RBM8A: variants seen among roughly 807,000 people sequenced by gnomAD.
RBM8A encodes RNA-binding protein 8A.
In RBM8A, 8 loss-of-function variants were observed where a neutral mutation model predicts 25.1. The observed-to-expected ratio is 0.32, with a 90% CI of 0.19 to 0.58. The LOEUF (loss-of-function observed/expected upper bound fraction) is 0.58, where lower values mean the gene tolerates loss of function less well. Ranked by LOEUF, RBM8A falls within the 20% of genes least tolerant of loss-of-function variation. RBM8A has a pLI of 0.88. For synonymous variants in RBM8A, 66 were observed against 80.0 expected (o/e 0.82, Z 0.94); for missense variants, 114 against 236.8 (o/e 0.48, Z 3.40).
In RBM8A at chr1:145,923,161, C is replaced by G. The variant is rs959616447; in HGVS notation, c.*2721G>C. 6.6e-6 allele frequency: 1 copy of G among 152,186 alleles called. No individual in the cohort carries two copies. Among genetic ancestry groups the G allele is most frequent in the African/African-American group, 2.4e-5 (1 of 41,406 alleles). The allele number at this position is 152,186 out of a possible 1,614,324, so 9.4% of individuals were successfully genotyped here. ...AGCCAGGATGGTCTCCATCTCCTAA[C>G]CTCGTGATCCGCCCGCCTCAGCCTC... On this transcript the variant is annotated 3_prime_UTR_variant, in exon 6 of 6. Coordinates refer to ENST00000583313, the MANE Select transcript of RBM8A (RefSeq NM_005105.5).
Position 145,925,813 on chromosome 1 carries a change from G to C in RBM8A, c.*69C>G. 1 of 1,497,066 alleles carries C rather than the reference G, an allele frequency of 6.7e-7. No homozygotes were observed. Among genetic ancestry groups the C allele is most frequent in the Non-Finnish European group, 9.3e-7 (1 of 1,076,080 alleles). The allele number at this position is 1,497,066 out of a possible 1,614,324, so 92.7% of individuals were successfully genotyped here. A position where few individuals can be genotyped will look rare whatever the true frequency, so the allele number is the denominator to read the frequency against. The stretch of plus-strand genomic sequence containing the variant: ...TATAAACACAGCAAGTTCCACCCCA[G>C]TCCTATTTGTCCAAGGCTGCATGGT... On this transcript the variant is annotated 3_prime_UTR_variant, in exon 6 of 6. Transcript: ENST00000583313.
chr1:145,926,774 G>A (rs782186638), intron 3 of RBM8A, 35 bp downstream of exon 3: 3 of 1,613,908 alleles, frequency 1.9e-6, no homozygotes, highest in Non-Finnish European at 2.5e-6. Context: ...TACTACCACA[G>A]ACACGGATAC....
In RBM8A at chr1:145,925,401, A is replaced by C; in HGVS notation, c.*481T>G. Reference sequence around the variant, plus strand: ...GAGACTATGTCTAATATAGAAACTCACATAACTAGCCCAGGTAACACAGCA... The same window carrying C: ...GAGACTATGTCTAATATAGAAACTCCCATAACTAGCCCAGGTAACACAGCA... On this transcript the variant is annotated 3_prime_UTR_variant, in exon 6 of 6. Transcript: ENST00000583313. The C allele has an allele frequency of 2.8e-6, 1 of 361,556 alleles. No homozygotes were observed. Among genetic ancestry groups the C allele is most frequent in the Non-Finnish European group, 5.5e-6 (1 of 183,424 alleles). The allele number at this position is 361,556 out of a possible 1,614,324, so 22.4% of individuals were successfully genotyped here.
intron 2 of RBM8A, 65 bp from the exon 3 acceptor site, chr1:145,926,951 G>T: frequency 1.2e-6 from 2 of 1,613,904 alleles, no homozygotes; most frequent in Non-Finnish European, 1.7e-6. Flanking sequence ...TATGAGGTGG[G>T]TGGGGACTCC....
intron 1 of RBM8A, 78 bp downstream of exon 1, chr1:145,927,281 GA>G: frequency 6.6e-7 from 1 of 1,523,296 alleles, no homozygotes; most frequent in Non-Finnish European, 8.9e-7. Flanking sequence ...TACGACCGAG[GA>G]AAAAAGAGTA....
intron 2 of RBM8A, 56 bp from the exon 3 acceptor site, chr1:145,926,942 A>G: frequency 6.2e-7 from 1 of 1,613,856 alleles, no homozygotes; most frequent in Non-Finnish European, 8.5e-7. Flanking sequence ...CATTGTTCCT[A>G]TGAGGTGGGT....
rs1553755395 is a variant in RBM8A, at chr1:145,924,186, G to C, written c.*1696C>G. 7.2e-6 allele frequency: 5 copies of C among 694,882 alleles called. No homozygotes were observed. Among genetic ancestry groups the C allele is most frequent in the Non-Finnish European group, 1.1e-5 (4 of 370,766 alleles). 43.0% of individuals were successfully genotyped at this position (694,882 alleles called of 1,614,324 possible). ...CTGTTCCACACGGTCCACTGAGCTGGCCCAGTCCCTTTCACTCAGTGTGTC... is the reference window on the plus strand; with the variant it reads ...CTGTTCCACACGGTCCACTGAGCTGCCCCAGTCCCTTTCACTCAGTGTGTC... On this transcript the variant is annotated 3_prime_UTR_variant, in exon 6 of 6. Transcript: ENST00000583313.
At position 145,925,246 on chromosome 1, in the gene RBM8A, A is replaced by T. The variant is rs1553755647; in HGVS notation, c.*636T>A. ...AACATCTATCTGATCCTAACAGAGT[A>T]TGTAGGAACAGAATAGTAAGTCTTT... is the stretch of plus-strand genomic sequence containing the variant. On this transcript the variant is annotated 3_prime_UTR_variant, in exon 6 of 6. Transcript: ENST00000583313. The T allele has an allele frequency of 1.1e-5, 3 of 284,918 alleles. No homozygotes were observed. Among genetic ancestry groups the T allele is most frequent in the Non-Finnish European group, 1.3e-5 (2 of 153,586 alleles). The allele number at this position is 284,918 out of a possible 1,614,324, so 17.6% of individuals were successfully genotyped here. A position where few individuals can be genotyped will look rare whatever the true frequency, so the allele number is the denominator to read the frequency against.
At position 145,926,879 on chromosome 1, in the gene RBM8A, C is replaced by T. The variant is rs1553756042; in HGVS notation, c.135G>A (p.Gly45=). 2 of 1,614,116 alleles carry T rather than the reference C, an allele frequency of 1.2e-6. No individual in the cohort carries two copies. Among genetic ancestry groups the T allele is most frequent in the East Asian group, 2.2e-5 (1 of 44,884 alleles). ...RKGRGFGSEE[G]SRARMREDYD... Reference sequence around the variant, plus strand: ...AATCCTCACGCATCCGCGCTCGGGACCCCTCTTCTATAAGGGACATACACG... The same window carrying T: ...AATCCTCACGCATCCGCGCTCGGGATCCCTCTTCTATAAGGGACATACACG... The change falls in exon 3 of 6, where the codon GGG becomes GGA. Residue 45 remains glycine (G), a synonymous_variant. Transcript: ENST00000583313.
intron 3 of RBM8A, 26 bp downstream of exon 3, chr1:145,926,783 A>G (rs782266286): frequency 6.2e-7 from 1 of 1,614,010 alleles, no homozygotes; most frequent in South Asian, 1.1e-5. Flanking sequence ...AGACACGGAT[A>G]CCTCACAGGT....
At chr1:145,925,960 T>C in intron 5 of RBM8A, 33 bp from the exon 6 acceptor site, 1 of 1,614,184 alleles carries the variant, frequency 6.2e-7, no homozygotes, top group Non-Finnish European at 8.5e-7. Context: ...AGGAGTCCAT[T>C]AGAGGGACAT....
chr1:145,926,055 T>C lies in RBM8A; in HGVS notation c.465A>G (p.Pro155=), dbSNP rs1553755806. 1 of 1,614,254 alleles carries C rather than the reference T, an allele frequency of 6.2e-7. No individual in the cohort carries two copies. Among genetic ancestry groups the C allele is most frequent in the Admixed American group, 1.7e-5 (1 of 60,034 alleles). Residue 155 remains proline, a synonymous_variant, in exon 5 of 6, where the codon CCA becomes CCG. Coordinates refer to ENST00000583313, the MANE Select transcript of RBM8A (RefSeq NM_005105.5). ...CTTCATTTTACCTCCTCTTGCCTTT[T>C]GGTGGACCCCGAACAAAACACCAGT... ...SVDWCFVRGP[P]KGKRRGGRRR...
rs1648222981 is a variant in RBM8A, at chr1:145,927,435, C to G, written c.-9G>C. On this transcript the variant is annotated 5_prime_UTR_variant, in exon 1 of 6. Transcript: ENST00000583313. ...TCTAGCACGTCCGCCATCTCGCCTT[C>G]GATCGAGATCTCGTCTGTGCCGCTC... 6.2e-7 allele frequency: 1 copy of G among 1,608,670 alleles called. No homozygotes were observed. Among genetic ancestry groups the G allele is most frequent in the Admixed American group, 1.7e-5 (1 of 59,104 alleles).
chr1:145,922,812 C>G lies in RBM8A; in HGVS notation c.*3070G>C, dbSNP rs1647867384. 1 of 151,982 alleles carries G rather than the reference C, an allele frequency of 6.6e-6. No individual in the cohort carries two copies. Among genetic ancestry groups the G allele is most frequent in the Non-Finnish European group, 1.5e-5 (1 of 68,008 alleles). 9.4% of individuals were successfully genotyped at this position (151,982 alleles called of 1,614,324 possible). On this transcript the variant is annotated 3_prime_UTR_variant, in exon 6 of 6. Coordinates refer to ENST00000583313, the MANE Select transcript of RBM8A (RefSeq NM_005105.5). ...TTTTGTAGGCTTGTTTCCAAGTTATCAGCAGTTGAAAGGGATGTTTCTACA... is the reference window on the plus strand; with the variant it reads ...TTTTGTAGGCTTGTTTCCAAGTTATGAGCAGTTGAAAGGGATGTTTCTACA...
In RBM8A at chr1:145,923,260, C is replaced by G. The variant is rs1168558747; in HGVS notation, c.*2622G>C. The G allele has an allele frequency of 4.6e-5, 7 of 151,630 alleles. No homozygotes were observed. 9.4% of individuals were successfully genotyped at this position (151,630 alleles called of 1,614,324 possible). On this transcript the variant is annotated 3_prime_UTR_variant, in exon 6 of 6. Coordinates refer to ENST00000583313, the MANE Select transcript of RBM8A (RefSeq NM_005105.5). ...GACTATTTTTATACTCCTCACAATT[C>G]TCAAGCACTTCTTAGGCAGAGCACA...
At chr1:145,926,347 G>C (rs1415259822) in intron 4 of RBM8A, 135 bp downstream of exon 4, 1 of 1,461,910 alleles carries the variant, frequency 6.8e-7, no homozygotes, top group East Asian at 2.3e-5. Flanking sequence ...TCTCTTTGGC[G>C]TGTCTGACAA....
rs879946564 is a variant in RBM8A, at chr1:145,925,431, C to T, written c.*451G>A. ...ACTAGCCCAGGTAACACAGCAAGAC[C>T]CCATCTCTACAAAAATATTAAAAAT... On this transcript the variant is annotated 3_prime_UTR_variant, in exon 6 of 6. Transcript: ENST00000583313. The T allele has an allele frequency of 6.1e-5, 22 of 361,088 alleles. No individual in the cohort carries two copies. Among genetic ancestry groups the T allele is most frequent in the African/African-American group, 4.5e-4 (21 of 46,664 alleles). The allele number at this position is 361,088 out of a possible 1,614,324, so 22.4% of individuals were successfully genotyped here. A position where few individuals can be genotyped will look rare whatever the true frequency, so the allele number is the denominator to read the frequency against.
In RBM8A at chr1:145,925,781, G is replaced by T; in HGVS notation, c.*101C>A. On this transcript the variant is annotated 3_prime_UTR_variant, in exon 6 of 6. Transcript: ENST00000583313. ...CAAATACTACGCATATACGGTAAGAGATTAAATATAAACACAGCAAGTTCC... is the reference window on the plus strand; with the variant it reads ...CAAATACTACGCATATACGGTAAGATATTAAATATAAACACAGCAAGTTCC... 1 of 1,355,250 alleles carries T rather than the reference G, an allele frequency of 7.4e-7. No individual in the cohort carries two copies. Among genetic ancestry groups the T allele is most frequent in the Non-Finnish European group, 1.0e-6 (1 of 952,406 alleles). 84.0% of individuals were successfully genotyped at this position (1,355,250 alleles called of 1,614,324 possible). A position where few individuals can be genotyped will look rare whatever the true frequency, so the allele number is the denominator to read the frequency against.
In RBM8A at chr1:145,927,462, G is replaced by A. The variant is rs1553756228; in HGVS notation, c.-36C>T. The stretch of plus-strand genomic sequence containing the variant: ...ATCGAGATCTCGTCTGTGCCGCTCA[G>A]ACACTAGGTACCTCGGGAAACTGTC... On this transcript the variant is annotated 5_prime_UTR_variant, in exon 1 of 6. Transcript: ENST00000583313. 5.0e-6 allele frequency: 8 copies of A among 1,596,128 alleles called. No individual in the cohort carries two copies. The highest frequency in any genetic ancestry group is 1.3e-5 in the African/African-American group (1 of 74,606).
Sources: gnomAD v4.1 joint callset for allele counts on GRCh38, gnomAD v4.1.1 for gene constraint, MANE v1.5 for transcripts, NCBI Gene and HGNC (gene_info 2026-07-23, HGNC 2026-07-21) for gene names.